The following RUBCNL variants were observed in gnomAD, a reference collection of about 807,000 sequenced individuals.
The protein encoded by RUBCNL is protein associated with UVRAG as autophagy enhancer.
A neutral mutation model predicts 69.5 loss-of-function variants in RUBCNL; 62 were observed. That is an observed-to-expected ratio of 0.89 (90% CI 0.73 to 1.10). RUBCNL has a LOEUF of 1.10. RUBCNL is among the 50% of genes least tolerant of loss of function. RUBCNL has a pLI of 0.00. For synonymous variants in RUBCNL, 291 were observed against 303.6 expected, an observed-to-expected ratio of 0.96 and a Z score of 0.43; for missense variants, 768 against 798.1, an observed-to-expected ratio of 0.96 and a Z score of 0.45.
rs375780251 is a variant in RUBCNL, at chr13:46,363,099, A to G, written c.925+16T>C. On this transcript the variant is annotated intron_variant, in intron 6 of 14. Coordinates refer to ENST00000429979, the MANE Select transcript of RUBCNL (RefSeq NM_025113.5). ...GGGAGGCAGCCAGTCACATCCAAACAGTTTCCAAATCTTACCTAAAATAAC... is the reference window on the plus strand; with the variant it reads ...GGGAGGCAGCCAGTCACATCCAAACGGTTTCCAAATCTTACCTAAAATAAC... 2.1e-5 allele frequency: 32 copies of G among 1,546,750 alleles called. 1 individual carries two copies. The African/African-American group carries it at 3.8e-4, about 19-fold the overall frequency.
In RUBCNL at chr13:46,350,200, G is replaced by C; in HGVS notation, c.1482C>G (p.Leu494=). The C allele has an allele frequency of 1.9e-6, 3 of 1,592,306 alleles. No individual in the cohort carries two copies. Among genetic ancestry groups the C allele is most frequent in the Non-Finnish European group, 2.6e-6 (3 of 1,169,096 alleles). ...AAATGGGCTGGTGCCATATGCTGTC[G>C]AGCAGCTGTTTGGAGAAATTGCTGA... ...YYVSNFSKQL[L]DSIWHQPIFN... is the part of the protein sequence containing the mutation. Residue 494 remains leucine, a synonymous_variant, in exon 11 of 15, where the codon CTC becomes CTG. Transcript: ENST00000429979.
In RUBCNL at chr13:46,350,155, G is replaced by A; in HGVS notation, c.1527C>T (p.Gly509=). 6.3e-7 allele frequency: 1 copy of A among 1,582,012 alleles called. No individual in the cohort carries two copies. The highest frequency in any genetic ancestry group is 2.3e-5 in the East Asian group (1 of 43,446). The stretch of plus-strand genomic sequence containing the variant: ...CCTTGGCTTTCGCATACAGGCTTTG[G>A]CCGATGCTCAGCAAATTGAAAATGG... The part of the protein sequence containing the change: ...HQPIFNLLSI[G]QSLYAKAKEL... The change falls in exon 11 of 15, where the codon GGC becomes GGT. Residue 509 remains glycine (G), a synonymous_variant. Coordinates refer to ENST00000429979, the MANE Select transcript of RUBCNL (RefSeq NM_025113.5).
intron 9 of RUBCNL, among the ~76,000 whole-genome samples, chr13:46,357,332 C>CAAAA (rs750289413): frequency 3.8e-5 from 2 of 53,292 alleles, no homozygotes; most frequent in Non-Finnish European, 7.4e-5. Flanking sequence ...GACTCCGTCT[C>CAAAA]AAAAAAAAAA....
intron 2 of RUBCNL, among the ~76,000 whole-genome samples, chr13:46,374,222 G>A (rs2048940088): frequency 6.6e-6 from 1 of 152,166 alleles, no homozygotes; most frequent in South Asian, 2.1e-4. Flanking sequence ...GGGATTACAG[G>A]TGCATGCCAC....
At chr13:46,355,360 T>C (rs1386240094) in intron 10 of RUBCNL, among the ~76,000 whole-genome samples, 2 of 148,218 alleles carry the variant, frequency 1.3e-5, no homozygotes, top group Admixed American at 1.3e-4. Flanking sequence ...AATAGTGTGA[T>C]CTCGGCTCAC....
chr13:46,363,071 T>C (rs759989894), intron 6 of RUBCNL, 44 bp downstream of exon 6: 2 of 1,229,070 alleles, frequency 1.6e-6, no homozygotes, highest in Admixed American at 1.9e-5. Flanking sequence ...GCGGATGGGA[T>C]TGGGGAGGCA....
At chr13:46,362,938 A>ATATAT (rs1491219460) in intron 6 of RUBCNL, among the ~76,000 whole-genome samples, 177 bp downstream of exon 6, 1 of 47,236 alleles carries the variant, frequency 2.1e-5, no homozygotes, top group African/African-American at 2.5e-4. Context: ...ATATATATAT[A>ATATAT]GATATATATA....
rs1351680601 is a variant in RUBCNL, at chr13:46,337,001, TA to T, written c.*6383del. ...CCTCAAAAGTCATGTGTTGAAGACC[TA>T]ACCCCCAATTGTGACAGTATTAGGA... is the stretch of plus-strand genomic sequence containing the variant. On this transcript the variant is annotated 3_prime_UTR_variant, in exon 15 of 15. Coordinates refer to ENST00000429979, the MANE Select transcript of RUBCNL (RefSeq NM_025113.5). 1.3e-5 allele frequency among the ~76,000 whole-genome samples: 2 copies of T among 152,120 alleles called. No homozygotes were observed. Among genetic ancestry groups the T allele is most frequent in the Non-Finnish European group, 2.9e-5 (2 of 68,018 alleles).
chr13:46,343,201 C>T lies in RUBCNL; in HGVS notation c.*184G>A, dbSNP rs993618641. 1.5e-5 allele frequency: 14 copies of T among 964,654 alleles called. 1 individual carries two copies. The South Asian group carries it at 2.7e-4, about 19-fold the overall frequency. 59.8% of individuals were successfully genotyped at this position (964,654 alleles called of 1,614,324 possible). On this transcript the variant is annotated 3_prime_UTR_variant, in exon 15 of 15. Coordinates refer to ENST00000429979, the MANE Select transcript of RUBCNL (RefSeq NM_025113.5). ...TGTAAACAAAACCACAACTATCAGC[C>T]CTGTGCTTAAACACAGAATCTGCAT...
At position 46,340,934 on chromosome 13, in the gene RUBCNL, T is replaced by C. The variant is rs568836358; in HGVS notation, c.*2451A>G. Among the ~76,000 whole-genome samples, 1 of 152,290 alleles carries C rather than the reference T, an allele frequency of 6.6e-6. No homozygotes were observed. The highest frequency in any genetic ancestry group is 2.1e-4 in the South Asian group (1 of 4,828). ...TGGGGATCAAATTTCACCATGAGGT[T>C]TGCAGGAGTCAAACAAGCCAAACTA... On this transcript the variant is annotated 3_prime_UTR_variant, in exon 15 of 15. Coordinates refer to ENST00000429979, the MANE Select transcript of RUBCNL (RefSeq NM_025113.5).
chr13:46,368,293 T>C, intron 4 of RUBCNL, 44 bp from the exon 5 acceptor site: 4 of 1,560,986 alleles, frequency 2.6e-6, no homozygotes, highest in Non-Finnish European at 2.6e-6. Context: ...TAATCAACTT[T>C]TTCATGGAGG....
upstream of RUBCNL, chr13:46,387,651 G>C: frequency 2.0e-6 from 2 of 985,584 alleles, no homozygotes; most frequent in Non-Finnish European, 2.4e-6. Flanking sequence ...TGGATGAGTC[G>C]GCCCTGAAAT....
intron 4 of RUBCNL, 172 bp downstream of exon 4, chr13:46,368,561 C>T (rs1594167011): frequency 8.7e-6 from 8 of 924,546 alleles, no homozygotes; most frequent in Non-Finnish European, 7.7e-6. Flanking sequence ...AGCACAGGCA[C>T]GGCCTCGGAA....
intron 9 of RUBCNL, among the ~76,000 whole-genome samples, chr13:46,357,562 G>A (rs1380286867): frequency 6.6e-6 from 1 of 151,540 alleles, no homozygotes; most frequent in Non-Finnish European, 1.5e-5. Flanking sequence ...CGAATAAGAG[G>A]TAACGTAAGA....
intron 10 of RUBCNL, chr13:46,350,573 A>G: frequency 2.3e-6 from 1 of 432,222 alleles, no homozygotes; most frequent in Non-Finnish European, 4.1e-6. Context: ...CAGACGTCAG[A>G]AAAACAAAAC....
Position 46,372,263 on chromosome 13 carries a change from T to C in RUBCNL, c.213A>G (p.Pro71=), listed in dbSNP as rs776878641. The stretch of plus-strand genomic sequence containing the variant: ...AATGGGTCCCACTGTTCCCTGCTGC[T>C]GGCACCTGAGATTGCAAGTCCTGCG... The part of the protein sequence containing the change: ...QQPQDLQSQV[P]AAGNSGTHFV... The change falls in exon 3 of 15, where the codon CCA becomes CCG. Residue 71 remains proline, a synonymous_variant. Transcript: ENST00000429979. 6.2e-7 allele frequency: 1 copy of C among 1,614,066 alleles called. No homozygotes were observed. Among genetic ancestry groups the C allele is most frequent in the Non-Finnish European group, 8.5e-7 (1 of 1,179,902 alleles).
At chr13:46,368,581 G>A in intron 4 of RUBCNL, 152 bp downstream of exon 4, 1 of 860,848 alleles carries the variant, frequency 1.2e-6, no homozygotes, top group Non-Finnish European at 1.4e-6. Context: ...ACCCTTCTTA[G>A]CTTAGTGTTT....
chr13:46,337,891 G>C lies in RUBCNL; in HGVS notation c.*5494C>G, dbSNP rs2048114142. Among the ~76,000 whole-genome samples the C allele has an allele frequency of 6.6e-6, 1 of 152,222 alleles. No homozygotes were observed. Among genetic ancestry groups the C allele is most frequent in the Admixed American group, 6.5e-5 (1 of 15,288 alleles). On this transcript the variant is annotated 3_prime_UTR_variant, in exon 15 of 15. Coordinates refer to ENST00000429979, the MANE Select transcript of RUBCNL (RefSeq NM_025113.5). ...GGAGCTGGGTAGGGCCCTCAGGAAT[G>C]TGGACCTTCAGGGGCTGCAGGAGCA... is the stretch of plus-strand genomic sequence containing the variant.
At chr13:46,365,606 T>C (rs1483859222) in intron 5 of RUBCNL, among the ~76,000 whole-genome samples, 1 of 152,198 alleles carries the variant, frequency 6.6e-6, no homozygotes, top group African/African-American at 2.4e-5. Flanking sequence ...AAAGACCTGA[T>C]GTGTGGTTAC....
Sources: allele counts gnomAD v4.1 joint callset (sites outside exome capture counted in the v4.1 genomes callset), GRCh38; gene constraint gnomAD v4.1.1; transcripts MANE v1.5; gene names NCBI Gene and HGNC (gene_info 2026-07-23, HGNC 2026-07-21).